The following COL27A1 variants were observed in gnomAD, a reference collection of about 807,000 sequenced individuals.
The protein encoded by COL27A1 is collagen alpha-1(XXVII) chain.
In COL27A1, 106 loss-of-function variants were observed where a neutral mutation model predicts 251.3. The observed-to-expected ratio is 0.42, with a 90% confidence interval of 0.36 to 0.50. The LOEUF is 0.50. Among genes scored for constraint, COL27A1 ranks in the 20% least tolerant of loss-of-function variants. COL27A1 has a pLI of 0.00. For synonymous variants in COL27A1, 1,000 were observed against 986.3 expected (o/e 1.01, Z -0.26); for missense variants, 2,325 against 2,522.8 (o/e 0.92, Z 1.68).
At chr9:114,170,295 G>GGGTCTCAT (rs1407597385) in intron 3 of COL27A1, among the ~76,000 whole-genome samples, 11 of 152,250 alleles carry the variant, frequency 7.2e-5, no homozygotes, top group Non-Finnish European at 1.6e-4. Context: ...GATGGTCTCA[G>GGGTCTCAT]GGTCGATGCC....
At chr9:114,253,325 G>C (rs1200922584) in intron 27 of COL27A1, among the ~76,000 whole-genome samples, 1 of 108,524 alleles carries the variant, frequency 9.2e-6, no homozygotes, top group Non-Finnish European at 1.8e-5. Flanking sequence ...GAAAGAGAGA[G>C]GAAGGGAGGG....
In COL27A1 at chr9:114,168,922, C is replaced by G. The variant is rs754775858; in HGVS notation, c.1367C>G (p.Thr456Arg). The change falls in exon 3 of 61, where the codon ACA (threonine) becomes AGA (arginine). Residue 456 changes from threonine (T) to arginine (R), a missense_variant. By Grantham distance (71) the Thr-to-Arg change is moderately conservative. Transcript: ENST00000356083. The stretch of plus-strand genomic sequence containing the variant: ...AGCTCCTCTAAAAAACCCATTCCCA[C>G]ACTAGCTCGGACTGAGGCCAAGATA... Reference protein sequence around the residue: ...TTSSSKKPIPTLARTEAKITS... With the variant: ...TTSSSKKPIPRLARTEAKITS... 6 of 1,614,162 alleles carry G rather than the reference C, an allele frequency of 3.7e-6. No individual in the cohort carries two copies.
intron 32 of COL27A1, among the ~76,000 whole-genome samples, chr9:114,265,779 A>G (rs775537914): frequency 9.9e-5 from 15 of 152,206 alleles, no homozygotes; most frequent in Non-Finnish European, 1.9e-4. Context: ...GAAAGGCAGG[A>G]GGGAGGGAGG....
At chr9:114,296,002 C>A (rs191660784) in intron 49 of COL27A1, among the ~76,000 whole-genome samples, 64 of 152,296 alleles carry the variant, frequency 4.2e-4, no homozygotes, top group Admixed American at 1.4e-3. Context: ...ACAAAATAGT[C>A]TTTCCTAACA....
At chr9:114,167,617 T>G (rs767189802) in intron 2 of COL27A1, 72 bp from the exon 3 acceptor site, 32 of 1,348,400 alleles carry the variant, frequency 2.4e-5, no homozygotes, top group Non-Finnish European at 3.3e-5. Flanking sequence ...CCTGTGCCCC[T>G]TAGGGGGTAG....
rs116199231 is a variant in COL27A1 at position 114,238,572 on chromosome 9, C to T, written c.2727+857C>T. Among the ~76,000 whole-genome samples, 1,162 of 152,322 alleles carry T rather than the reference C, an allele frequency of 7.6e-3. 11 individuals are homozygous for T. Among genetic ancestry groups the T allele is most frequent in the African/African-American group, 0.027 (1,104 of 41,566 alleles). ...GCCAAAGATCACTTCTGCTATCACT[C>T]GGATGGATGAGGAAATGTTTCCTAA... On this transcript the variant is annotated intron_variant, in intron 19 of 60. Transcript: ENST00000356083.
At chr9:114,265,862 C>T (rs936764339) in intron 32 of COL27A1, among the ~76,000 whole-genome samples, 3 of 152,210 alleles carry the variant, frequency 2.0e-5, no homozygotes, top group Non-Finnish European at 2.9e-5. Flanking sequence ...AAAGCGGGAC[C>T]TCAGAAAGGG....
At chr9:114,301,043 G>A (rs766442838) in intron 51 of COL27A1, 29 bp from the exon 52 acceptor site, 2 of 1,580,044 alleles carry the variant, frequency 1.3e-6, no homozygotes. Flanking sequence ...CCTGGAACAA[G>A]GACACATGAG....
intron 40 of COL27A1, 128 bp from the exon 41 acceptor site, chr9:114,284,596 G>C: frequency 1.1e-6 from 1 of 915,016 alleles, no homozygotes; most frequent in African/African-American, 1.6e-5. Flanking sequence ...GACTTACTCA[G>C]AGCCACACAG....
chr9:114,294,874 A>C (rs1828157332), intron 49 of COL27A1, among the ~76,000 whole-genome samples: 1 of 152,254 alleles, frequency 6.6e-6, no homozygotes, highest in Admixed American at 6.5e-5. Context: ...GGAGGTATTC[A>C]TATCAAAAAG....
At chr9:114,263,933 T>C (rs1275126883) in intron 28 of COL27A1, among the ~76,000 whole-genome samples, 6 of 152,238 alleles carry the variant, frequency 3.9e-5, no homozygotes, top group Admixed American at 3.9e-4. Context: ...CAGTTTCCCC[T>C]GAGGGCTGTT....
chr9:114,233,369 C>T (rs959534952), intron 16 of COL27A1, among the ~76,000 whole-genome samples: 1 of 152,194 alleles, frequency 6.6e-6, no homozygotes, highest in Non-Finnish European at 1.5e-5. Flanking sequence ...AACCCCAGTC[C>T]TTTCTCTACC....
chr9:114,168,887 T>A lies in COL27A1; in HGVS notation c.1332T>A (p.Pro444=), dbSNP rs2135082673. ...CACCGCCCAGCACCCGGCCCCTACC[T>A]CCTACCACCAGCTCCTCTAAAAAAC... ...RPPPPSTRPL[P]PTTSSSKKPI... is the part of the protein sequence containing the mutation. The change falls in exon 3 of 61, where the codon CCT becomes CCA. Residue 444 remains proline (P), a synonymous_variant. Transcript: ENST00000356083. 1 of 1,612,976 alleles carries A rather than the reference T, an allele frequency of 6.2e-7. No individual in the cohort carries two copies. The highest frequency in any genetic ancestry group is 1.1e-5 in the South Asian group (1 of 91,000).
chr9:114,212,362 T>A (rs1432848565), intron 12 of COL27A1, among the ~76,000 whole-genome samples: 1 of 152,254 alleles, frequency 6.6e-6, no homozygotes, highest in Non-Finnish European at 1.5e-5. Context: ...CCCATGAATA[T>A]CTGTTGAATG....
chr9:114,276,622 A>G (rs553204948), intron 37 of COL27A1, among the ~76,000 whole-genome samples: 16 of 152,168 alleles, frequency 1.1e-4, no homozygotes, highest in Non-Finnish European at 2.4e-4. Flanking sequence ...CAAACAAACA[A>G]CAACAACAAC....
Position 114,283,758 on chromosome 9 carries a change from A to G in COL27A1, c.3929A>G (p.Tyr1310Cys), listed in dbSNP as rs1177195375. The change falls in exon 40 of 61, where the codon TAT (tyrosine) becomes TGT (cysteine). Residue 1310 changes from tyrosine (Y) to cysteine (C), a missense_variant. Physicochemically the swap from Tyr to Cys is radical, Grantham distance 194. Around this residue, in one of 4 missense-constraint regions of COL27A1, gnomAD observed 662 missense variants for 795.3 expected, o/e 0.83. Coordinates refer to ENST00000356083, the MANE Select transcript of COL27A1 (RefSeq NM_032888.4). ...GAQGEPGLAG[Y>C]DGHKGIVGPL... Reference sequence around the variant, plus strand: ...CAAGGAGAACCGGGACTGGCTGGTTATGATGTAAGCAGATATCACCTCACC... The same window carrying G: ...CAAGGAGAACCGGGACTGGCTGGTTGTGATGTAAGCAGATATCACCTCACC... 2 of 1,614,052 alleles carry G rather than the reference A, an allele frequency of 1.2e-6. No individual in the cohort carries two copies. Among genetic ancestry groups the G allele is most frequent in the Admixed American group, 3.3e-5 (2 of 60,020 alleles).
At chr9:114,292,332 A>G in intron 49 of COL27A1, 122 bp downstream of exon 49, 1 of 769,344 alleles carries the variant, frequency 1.3e-6, no homozygotes. Flanking sequence ...CCCAGAAGCC[A>G]CCTCCTTGCT....
At chr9:114,294,352 C>T (rs1364124351) in intron 49 of COL27A1, among the ~76,000 whole-genome samples, 1 of 151,314 alleles carries the variant, frequency 6.6e-6, no homozygotes, top group Non-Finnish European at 1.5e-5. Context: ...GAGGCTGATT[C>T]TACCCTGATG....
intron 4 of COL27A1, among the ~76,000 whole-genome samples, chr9:114,182,556 G>A (rs779948922): frequency 7.2e-5 from 11 of 151,800 alleles, no homozygotes; most frequent in Non-Finnish European, 1.6e-4. Flanking sequence ...TACCAGATAC[G>A]TGGGAGGGAA....
Sources: allele counts gnomAD v4.1 joint callset (sites outside exome capture counted in the v4.1 genomes callset), GRCh38; gene constraint gnomAD v4.1.1; regional missense constraint gnomAD v4.1.1; transcripts MANE v1.5; gene names NCBI Gene and HGNC (gene_info 2026-07-23, HGNC 2026-07-21).